C5orf47: variants seen among roughly 807,000 people sequenced by gnomAD.
C5orf47 encodes the protein uncharacterized protein C5orf47.
A neutral mutation model predicts 20.6 loss-of-function variants in C5orf47; 20 were observed. The ratio of observed to expected loss-of-function variants is 0.97; its 90% CI spans 0.68 to 1.41. The LOEUF is 1.41. C5orf47 is among the 40% of genes most tolerant of loss of function. The pLI is 0.00. For missense variants in C5orf47, 262 were observed against 238.4 expected (o/e 1.10, Z -0.65); for synonymous variants, 106 against 97.3 (o/e 1.09, Z -0.53).
intron 4 of C5orf47, among the ~76,000 whole-genome samples, chr5:174,003,794 G>A (rs1006241177): frequency 6.6e-6 from 1 of 152,152 alleles, no homozygotes; most frequent in African/African-American, 2.4e-5. Context: ...AGGAAATCAA[G>A]GGATTGGGAG....
In C5orf47 at chr5:173,989,275, A is replaced by C; in HGVS notation, c.12A>C (p.Ala4=). 7.2e-7 allele frequency: 1 copy of C among 1,382,358 alleles called. No homozygotes were observed. Among genetic ancestry groups the C allele is most frequent in the Non-Finnish European group, 9.4e-7 (1 of 1,064,610 alleles). 85.6% of individuals were successfully genotyped at this position (1,382,358 alleles called of 1,614,324 possible). Residue 4 remains alanine, a synonymous_variant, in exon 1 of 5, where the codon GCA becomes GCC. Coordinates refer to ENST00000340147, the MANE Select transcript of C5orf47 (RefSeq NM_001144954.2). The part of the protein sequence containing the change: MAA[A]GRGREQDSAR... Reference sequence around the variant, plus strand: ...TGACTGAGGCTGCGATGGCGGCGGCAGGCCGGGGTCGGGAGCAGGACTCGG... The same window carrying C: ...TGACTGAGGCTGCGATGGCGGCGGCCGGCCGGGGTCGGGAGCAGGACTCGG...
At chr5:173,996,325 A>G (rs1352700080) in intron 1 of C5orf47, among the ~76,000 whole-genome samples, 1 of 152,254 alleles carries the variant, frequency 6.6e-6, no homozygotes, top group South Asian at 2.1e-4. Flanking sequence ...TAGTCTCAGT[A>G]CAATACACAA....
intron 1 of C5orf47, among the ~76,000 whole-genome samples, chr5:173,995,232 T>C (rs17764303): frequency 0.13 from 19,143 of 152,288 alleles, 1,605 homozygotes; most frequent in Non-Finnish European, 0.19. Context: ...AGGTCAGATG[T>C]TAGTGACACA....
At chr5:173,990,844 T>C (rs1758982732) in intron 1 of C5orf47, among the ~76,000 whole-genome samples, 1 of 152,226 alleles carries the variant, frequency 6.6e-6, no homozygotes, top group African/African-American at 2.4e-5. Context: ...ATAATTAAGA[T>C]ATAGAACATT....
chr5:173,999,878 A>G, intron 3 of C5orf47, 79 bp downstream of exon 3: 2 of 696,464 alleles, frequency 2.9e-6, no homozygotes, highest in Non-Finnish European at 4.8e-6. Context: ...GCATGAGATC[A>G]GTAGTTTTCT....
intron 1 of C5orf47, 107 bp from the exon 2 acceptor site, chr5:173,998,046 A>G: frequency 1.5e-6 from 1 of 666,254 alleles, no homozygotes; most frequent in Non-Finnish European, 2.6e-6. Context: ...TATACCAACA[A>G]GTATAAAAAT....
Position 173,989,473 on chromosome 5 carries a change from C to G in C5orf47, c.210C>G (p.Pro70=), listed in dbSNP as rs1309053275. ...GCGTTCAGGGTGGCAGCGAGCTGCCCCTCGGTTCCCAGCTCAGGGTCCCCA... is the reference window on the plus strand; with the variant it reads ...GCGTTCAGGGTGGCAGCGAGCTGCCGCTCGGTTCCCAGCTCAGGGTCCCCA... ...VAGVQGGSEL[P]LGSQLRVPTT... Residue 70 remains proline, a synonymous_variant, in exon 1 of 5, where the codon CCC becomes CCG. Transcript: ENST00000340147. 2 of 1,549,020 alleles carry G rather than the reference C, an allele frequency of 1.3e-6. No homozygotes were observed. The highest frequency in any genetic ancestry group is 1.2e-5 in the South Asian group (1 of 83,706).
Position 173,989,313 on chromosome 5 carries a change from A to C in C5orf47, c.50A>C (p.Tyr17Ser). Residue 17 changes from tyrosine to serine, a missense_variant, in exon 1 of 5, where the codon TAT becomes TCT. Transcript: ENST00000340147. ...GAGCAGGACTCGGCGCGCTTCGTCT[A>C]TGTGACGCGCTTCGGCTCGCATCAG... Reference protein sequence around the residue: ...GREQDSARFVYVTRFGSHQCS... With the variant: ...GREQDSARFVSVTRFGSHQCS... 2 of 1,416,476 alleles carry C rather than the reference A, an allele frequency of 1.4e-6. No individual in the cohort carries two copies. The highest frequency in any genetic ancestry group is 1.9e-6 in the Non-Finnish European group (2 of 1,079,372). 87.7% of individuals were successfully genotyped at this position (1,416,476 alleles called of 1,614,324 possible). A position where few individuals can be genotyped will look rare whatever the true frequency, so the allele number is the denominator to read the frequency against.
chr5:174,000,430 T>TAACTA (rs1303570787), intron 3 of C5orf47, among the ~76,000 whole-genome samples: 1 of 152,158 alleles, frequency 6.6e-6, no homozygotes, highest in Non-Finnish European at 1.5e-5. Flanking sequence ...AAAATTTATG[T>TAACTA]AACTAATAAT....
chr5:174,007,966 G>A (rs994308438), downstream of C5orf47, among the ~76,000 whole-genome samples: 10 of 152,192 alleles, frequency 6.6e-5, no homozygotes, highest in Non-Finnish European at 1.0e-4. Context: ...CTGATCAGCA[G>A]AACAAGCAAC....
At chr5:173,995,989 C>T (rs1759091290) in intron 1 of C5orf47, among the ~76,000 whole-genome samples, 1 of 152,156 alleles carries the variant, frequency 6.6e-6, no homozygotes, top group Non-Finnish European at 1.5e-5. Context: ...CCTGTCCTTA[C>T]AGAACTTGAA....
chr5:173,994,945 C>G lies in C5orf47; in HGVS notation c.326-3208C>G, dbSNP rs541524422. 2.6e-5 allele frequency among the ~76,000 whole-genome samples: 4 copies of G among 152,104 alleles called. No homozygotes were observed. The South Asian group carries it at 8.3e-4, about 32-fold the overall frequency. ...TCTCCTGCCTCAGCCTCCCAAGTAGCTGGGACCACAGGCGTGTGCCACCAT... is the reference window on the plus strand; with the variant it reads ...TCTCCTGCCTCAGCCTCCCAAGTAGGTGGGACCACAGGCGTGTGCCACCAT... On this transcript the variant is annotated intron_variant, in intron 1 of 4. Coordinates refer to ENST00000340147, the MANE Select transcript of C5orf47 (RefSeq NM_001144954.2).
At position 173,989,190 on chromosome 5, in the gene C5orf47, C is replaced by T. The variant is rs1758924396; in HGVS notation, c.-74C>T. On this transcript the variant is annotated 5_prime_UTR_variant, in exon 1 of 5. Coordinates refer to ENST00000340147, the MANE Select transcript of C5orf47 (RefSeq NM_001144954.2). ...GCCCTAACCGCTCCCGCATCCCTCG[C>T]CTGCACAGTGGGCAGTCTGGCGCCT... The T allele has an allele frequency of 1.1e-5, 14 of 1,315,950 alleles. No homozygotes were observed. The highest frequency in any genetic ancestry group is 3.8e-5 in the Admixed American group (1 of 26,408). The allele number at this position is 1,315,950 out of a possible 1,614,324, so 81.5% of individuals were successfully genotyped here. A position where few individuals can be genotyped will look rare whatever the true frequency, so the allele number is the denominator to read the frequency against.
intron 1 of C5orf47, among the ~76,000 whole-genome samples, chr5:173,997,638 T>G (rs1380275619): frequency 6.6e-6 from 1 of 152,076 alleles, no homozygotes; most frequent in Non-Finnish European, 1.5e-5. Flanking sequence ...TGCGTGTGTT[T>G]GAGGGAAGGC....
intron 3 of C5orf47, among the ~76,000 whole-genome samples, chr5:174,000,037 T>C (rs1759168327): frequency 6.6e-6 from 1 of 152,048 alleles, no homozygotes; most frequent in African/African-American, 2.4e-5. Flanking sequence ...AGGTGTGTGT[T>C]GACTGGAATT....
intron 1 of C5orf47, among the ~76,000 whole-genome samples, chr5:173,992,073 A>G (rs927389043): frequency 2.0e-5 from 3 of 152,206 alleles, no homozygotes; most frequent in Non-Finnish European, 2.9e-5. Flanking sequence ...TGGGTTTCCA[A>G]ATTCGTTTGC....
intron 1 of C5orf47, among the ~76,000 whole-genome samples, chr5:173,994,894 A>G (rs1230455261): frequency 6.6e-6 from 1 of 150,718 alleles, no homozygotes; most frequent in Non-Finnish European, 1.5e-5. Flanking sequence ...GCTCACTGCA[A>G]CCTCTGCCTC....
chr5:173,999,907 T>C (rs1759165609), intron 3 of C5orf47, 108 bp downstream of exon 3: 1 of 589,130 alleles, frequency 1.7e-6, no homozygotes, highest in East Asian at 2.9e-5. Flanking sequence ...ACATTCAATA[T>C]ACAGAACTAT....
downstream of C5orf47, among the ~76,000 whole-genome samples, chr5:174,007,820 A>G (rs1424670189): frequency 2.6e-5 from 4 of 152,132 alleles, no homozygotes; most frequent in African/African-American, 4.8e-5. Flanking sequence ...TTGGCCTCCC[A>G]AAGTGCTGGG....
Sources: gnomAD v4.1 joint callset for allele counts (sites outside exome capture counted in the v4.1 genomes callset) on GRCh38, gnomAD v4.1.1 for gene constraint, MANE v1.5 for transcripts, NCBI Gene and HGNC (gene_info 2026-07-23, HGNC 2026-07-21) for gene names.